The following MARCHF3 variants were observed in gnomAD, a reference collection of about 807,000 sequenced individuals.
MARCHF3 encodes membrane associated ring-CH-type finger 3.
MARCHF3 carries 13 observed loss-of-function variants against 24.2 expected under a neutral mutation model. That is an observed-to-expected ratio of 0.54 (90% confidence interval 0.35 to 0.85). The LOEUF (loss-of-function observed/expected upper bound fraction) is 0.85, where lower values mean the gene tolerates loss of function less well. Ranked by LOEUF, MARCHF3 falls within the 40% of genes least tolerant of loss-of-function variation. The probability of loss-of-function intolerance (pLI) is 0.01; values close to 1 mark genes in which losing one functional copy is unlikely to be tolerated. For synonymous variants in MARCHF3, 144 were observed against 137.3 expected, an observed-to-expected ratio of 1.05 and a Z score of -0.34; for missense variants, 276 against 325.0, an observed-to-expected ratio of 0.85 and a Z score of 1.16.
intron 3 of MARCHF3, among the ~76,000 whole-genome samples, chr5:126,894,911 A>G (rs1452669607): frequency 2.0e-5 from 3 of 151,936 alleles, no homozygotes; most frequent in African/African-American, 4.8e-5. Context: ...GTGTTTTCCA[A>G]CTTGGTTCCA....
At chr5:126,975,476 G>A (rs1320683153) in intron 1 of MARCHF3, among the ~76,000 whole-genome samples, 1 of 152,158 alleles carries the variant, frequency 6.6e-6, no homozygotes, top group Non-Finnish European at 1.5e-5. Context: ...TCATTTCTTT[G>A]TAGTAAAAAC....
At chr5:127,017,392 C>T (rs553146682) in intron 1 of MARCHF3, among the ~76,000 whole-genome samples, 4 of 152,288 alleles carry the variant, frequency 2.6e-5, no homozygotes, top group African/African-American at 9.6e-5. Flanking sequence ...GAGTATTACT[C>T]AAACTTCCCT....
intron 1 of MARCHF3, among the ~76,000 whole-genome samples, chr5:126,969,626 T>C (rs1259794305): frequency 6.6e-6 from 1 of 152,208 alleles, no homozygotes; most frequent in East Asian, 1.9e-4. Flanking sequence ...CTGCACTTCT[T>C]TCATTTGCAG....
intron 1 of MARCHF3, among the ~76,000 whole-genome samples, chr5:126,932,782 C>A (rs1310344630): frequency 6.6e-6 from 1 of 152,122 alleles, no homozygotes; most frequent in Non-Finnish European, 1.5e-5. Context: ...AGGAGCTTTC[C>A]ATTTATCCTC....
intron 1 of MARCHF3, among the ~76,000 whole-genome samples, chr5:126,968,344 A>G (rs1218184864): frequency 6.6e-6 from 1 of 152,194 alleles, no homozygotes; most frequent in Non-Finnish European, 1.5e-5. Flanking sequence ...ACCACTTTAC[A>G]TTTCCATCAG....
At chr5:126,883,238 T>A (rs1237902744) in intron 3 of MARCHF3, among the ~76,000 whole-genome samples, 4 of 152,178 alleles carry the variant, frequency 2.6e-5, no homozygotes, top group African/African-American at 9.7e-5. Context: ...GGTCAATGAT[T>A]GAGACTAGTA....
At chr5:126,916,091 A>G (rs1754720221) in intron 2 of MARCHF3, among the ~76,000 whole-genome samples, 2 of 152,212 alleles carry the variant, frequency 1.3e-5, no homozygotes, top group Non-Finnish European at 2.9e-5. Flanking sequence ...ACTATCTCTC[A>G]AGGAAAATCT....
intron 1 of MARCHF3, among the ~76,000 whole-genome samples, chr5:126,965,629 G>T (rs1024861617): frequency 2.0e-5 from 3 of 152,240 alleles, no homozygotes; most frequent in Middle Eastern, 3.4e-3. Context: ...ATGGGAGAAG[G>T]TTTACCTAAG....
rs6876873 is a variant in MARCHF3, at chr5:126,901,691, G to C, written c.393+13239C>G. Among the ~76,000 whole-genome samples the C allele has an allele frequency of 1.4e-3, 215 of 152,200 alleles. 3 individuals carry two copies. The highest frequency in any genetic ancestry group is 5.0e-3 in the African/African-American group (208 of 41,506). On this transcript the variant is annotated intron_variant, in intron 3 of 4. Coordinates refer to ENST00000308660, the MANE Select transcript of MARCHF3 (RefSeq NM_178450.5). ...GAGGGCTGGCAGGAGCCCTCAGCAG[G>C]GAGCGTTATGCATATTCTATAACTC...
intron 1 of MARCHF3, among the ~76,000 whole-genome samples, chr5:126,994,763 G>A (rs1751890722): frequency 6.6e-6 from 1 of 152,232 alleles, no homozygotes; most frequent in African/African-American, 2.4e-5. Flanking sequence ...CCCATGATAG[G>A]CTGTCTGCAA....
At chr5:126,971,153 A>G (rs1750995141) in intron 1 of MARCHF3, among the ~76,000 whole-genome samples, 1 of 152,082 alleles carries the variant, frequency 6.6e-6, no homozygotes. Context: ...TGCTTGCTTT[A>G]AGAAGAAAAA....
chr5:126,955,014 AT>A (rs1268038745), intron 1 of MARCHF3, among the ~76,000 whole-genome samples: 8 of 152,196 alleles, frequency 5.3e-5, no homozygotes, highest in African/African-American at 1.9e-4. Context: ...GCATATTAAA[AT>A]TGTACCATAA....
At chr5:126,998,327 T>C (rs1021228083) in intron 1 of MARCHF3, among the ~76,000 whole-genome samples, 1 of 152,208 alleles carries the variant, frequency 6.6e-6, no homozygotes, top group African/African-American at 2.4e-5. Flanking sequence ...AATTCTGCTC[T>C]AGTAGCTAAG....
intron 1 of MARCHF3, among the ~76,000 whole-genome samples, chr5:127,017,747 C>CAT (rs1464205604): frequency 6.6e-6 from 1 of 152,160 alleles, no homozygotes; most frequent in Non-Finnish European, 1.5e-5. Flanking sequence ...TGAAACTTGA[C>CAT]ATAATAAGCT....
At chr5:126,966,954 C>CTTTTTTTTTTTT (rs1750839780) in intron 1 of MARCHF3, among the ~76,000 whole-genome samples, 1 of 19,398 alleles carries the variant, frequency 5.2e-5, no homozygotes, top group Non-Finnish European at 1.0e-4. Flanking sequence ...TTGCTATTAC[C>CTTTTTTTTTTTT]TATTTTCCTT....
In MARCHF3 at chr5:126,925,622, A is replaced by G. The variant is rs55926617; in HGVS notation, c.-56-7395T>C. ...ATCCCACAACAATGCTATGTGTTCA[A>G]AGACACAGCGACAGCTGAATTGCAC... On this transcript the variant is annotated intron_variant, in intron 1 of 4. Coordinates refer to ENST00000308660, the MANE Select transcript of MARCHF3 (RefSeq NM_178450.5). Among the ~76,000 whole-genome samples, 1,281 of 152,314 alleles carry G rather than the reference A, an allele frequency of 8.4e-3. 19 individuals carry two copies. The highest frequency in any genetic ancestry group is 0.026 in the East Asian group (133 of 5,184).
At chr5:126,939,143 A>C (rs1749743374) in intron 1 of MARCHF3, among the ~76,000 whole-genome samples, 1 of 152,158 alleles carries the variant, frequency 6.6e-6, no homozygotes, top group Admixed American at 6.5e-5. Context: ...AACAAACATA[A>C]TCTTATGCTA....
intron 1 of MARCHF3, among the ~76,000 whole-genome samples, chr5:126,943,449 G>A (rs760671552): frequency 2.0e-5 from 3 of 151,868 alleles, no homozygotes; most frequent in Non-Finnish European, 4.4e-5. Context: ...TGAGTGTGGT[G>A]GCACAGGCCT....
chr5:126,967,765 C>T (rs1178593345), intron 1 of MARCHF3, among the ~76,000 whole-genome samples: 2 of 152,306 alleles, frequency 1.3e-5, no homozygotes, highest in East Asian at 3.9e-4. Context: ...GATTGGCAAA[C>T]TGTAACCCCA....
Sources: allele counts gnomAD v4.1 joint callset (sites outside exome capture counted in the v4.1 genomes callset), GRCh38; gene constraint gnomAD v4.1.1; transcripts MANE v1.5; gene names NCBI Gene and HGNC (gene_info 2026-07-23, HGNC 2026-07-21).